USP54: variants seen among roughly 807,000 people sequenced by gnomAD.
USP54 encodes ubiquitin specific peptidase 54.
USP54 carries 87 observed loss-of-function variants against 170.5 expected under a neutral mutation model. The observed-to-expected ratio is 0.51, with a 90% CI of 0.43 to 0.61. The LOEUF is 0.61. Among genes scored for constraint, USP54 ranks in the 20% least tolerant of loss-of-function variants. The pLI, the probability that USP54 is intolerant of heterozygous loss-of-function variation, is 0.00. For missense variants in USP54, 1,786 were observed against 2,047.8 expected, an observed-to-expected ratio of 0.87 and a Z score of 2.47; for synonymous variants, 655 against 742.8, an observed-to-expected ratio of 0.88 and a Z score of 1.92.
At chr10:73,618,168 G>A (rs911872099) in intron 1 of USP54, among the ~76,000 whole-genome samples, 3 of 148,824 alleles carry the variant, frequency 2.0e-5, no homozygotes, top group East Asian at 2.0e-4. Context: ...CCGAGATTGC[G>A]CCACTGCACT....
chr10:73,612,296 AAATG>A (rs2080214483), intron 1 of USP54, among the ~76,000 whole-genome samples: 2 of 152,298 alleles, frequency 1.3e-5, no homozygotes, highest in South Asian at 4.1e-4. Flanking sequence ...AAAAAACATT[AAATG>A]AATACCAGAA....
In USP54 at chr10:73,520,106, G is replaced by A. The variant is rs997019170; in HGVS notation, c.2483-114C>T. 4.2e-6 allele frequency: 6 copies of A among 1,428,842 alleles called. No individual in the cohort carries two copies. The Admixed American group carries it at 8.4e-5, about 20-fold the overall frequency. The allele number at this position is 1,428,842 out of a possible 1,614,324, so 88.5% of individuals were successfully genotyped here. A position where few individuals can be genotyped will look rare whatever the true frequency, so the allele number is the denominator to read the frequency against. On this transcript the variant is annotated intron_variant, in intron 18 of 23. Coordinates refer to ENST00000687698, the MANE Select transcript of USP54 (RefSeq NM_001391956.1). ...TATGCAGTAAAACTCAAAATATGTA[G>A]CAGGAACGCAAGGCATGGACCATGC...
chr10:73,501,293 T>G (rs1410228551), intron 22 of USP54, among the ~76,000 whole-genome samples: 1 of 152,240 alleles, frequency 6.6e-6, no homozygotes, highest in African/African-American at 2.4e-5. Context: ...TCTTCTCTCC[T>G]GTCACTGCTA....
intron 1 of USP54, among the ~76,000 whole-genome samples, chr10:73,583,697 T>C (rs1035599635): frequency 1.3e-5 from 2 of 152,118 alleles, no homozygotes; most frequent in Non-Finnish European, 2.9e-5. Flanking sequence ...TGTAGTGAGC[T>C]ATGACTGTGC....
At chr10:73,610,191 A>T (rs1037851247) in intron 1 of USP54, among the ~76,000 whole-genome samples, 17 of 152,126 alleles carry the variant, frequency 1.1e-4, no homozygotes, top group African/African-American at 3.4e-4. Flanking sequence ...TTAAAAAAAT[A>T]AAAATAAAAA....
At chr10:73,549,700 C>T (rs2068770073) in intron 4 of USP54, among the ~76,000 whole-genome samples, 1 of 152,172 alleles carries the variant, frequency 6.6e-6, no homozygotes, top group Non-Finnish European at 1.5e-5. Context: ...TAGTCCAAGT[C>T]ATCTCACCTC....
chr10:73,537,420 A>T (rs1564743848), intron 10 of USP54, among the ~76,000 whole-genome samples: 1 of 151,828 alleles, frequency 6.6e-6, no homozygotes, highest in Non-Finnish European at 1.5e-5. Flanking sequence ...TTATAGTCAC[A>T]CCTTATCTCC....
rs777338255 is a variant in USP54 at position 73,516,610 on chromosome 10, A to C, written c.3816T>G (p.Ser1272=). The change falls in exon 20 of 24, where the codon TCT becomes TCG. Residue 1272 remains serine, a synonymous_variant. Transcript: ENST00000687698. ...SWVNITRFCD[S]QLKHGAPRPG... ...GCCTAGGTGCCCCATGCTTAAGCTG[A>C]GAATCACAGAACCTTGTGATATTCA... 6.2e-7 allele frequency: 1 copy of C among 1,614,226 alleles called. No individual in the cohort carries two copies. Among genetic ancestry groups the C allele is most frequent in the South Asian group, 1.1e-5 (1 of 91,082 alleles).
chr10:73,501,022 A>C (rs989091983), intron 22 of USP54, among the ~76,000 whole-genome samples, 184 bp from the exon 23 acceptor site: 1 of 152,184 alleles, frequency 6.6e-6, no homozygotes, highest in Non-Finnish European at 1.5e-5. Flanking sequence ...GCCCTCTAAG[A>C]AACTGCAAAC....
intron 1 of USP54, among the ~76,000 whole-genome samples, chr10:73,613,665 G>A: frequency 6.6e-6 from 1 of 151,476 alleles, no homozygotes; most frequent in Non-Finnish European, 1.5e-5. Flanking sequence ...ACCACCTGAG[G>A]CCAGGAGTTT....
intron 17 of USP54, among the ~76,000 whole-genome samples, chr10:73,522,175 G>T (rs989323052): frequency 2.0e-5 from 3 of 152,180 alleles, no homozygotes; most frequent in African/African-American, 7.2e-5. Context: ...ACAGCAGGTT[G>T]GTTCTGAAGA....
Position 73,517,363 on chromosome 10 carries a change from A to G in USP54, c.3063T>C (p.Ala1021=). 6.2e-7 allele frequency: 1 copy of G among 1,613,132 alleles called. No homozygotes were observed. The highest frequency in any genetic ancestry group is 1.7e-5 in the Admixed American group (1 of 59,914). Residue 1021 remains alanine, a synonymous_variant, in exon 20 of 24, where the codon GCT becomes GCC. Coordinates refer to ENST00000687698, the MANE Select transcript of USP54 (RefSeq NM_001391956.1). ...TCTTTTCTTGGAACAGCTGTTCTTG[A>G]GCAATGCCTCTTCCTTCTTGTGGAG... is the stretch of plus-strand genomic sequence containing the variant. The part of the protein sequence containing the change: ...KLPPQEGRGI[A]QEQLFQEKKD...
chr10:73,539,837 A>G (rs951543551), intron 9 of USP54, among the ~76,000 whole-genome samples: 1 of 152,178 alleles, frequency 6.6e-6, no homozygotes, highest in Non-Finnish European at 1.5e-5. Context: ...GCAAGACCCT[A>G]TCTTTAGGCC....
chr10:73,554,613 A>C (rs979414664), intron 4 of USP54, among the ~76,000 whole-genome samples: 2 of 152,224 alleles, frequency 1.3e-5, no homozygotes, highest in Non-Finnish European at 2.9e-5. Flanking sequence ...ATTGTAAAAA[A>C]TTTCAAACAT....
rs59126730 is a variant in USP54, at chr10:73,571,137, CAAAAA to C, written c.240+279_240+283del. On this transcript the variant is annotated intron_variant, in intron 4 of 23. Transcript: ENST00000687698. Reference sequence around the variant, plus strand: ...TGGGTGACAGAGTGAGACTTCATCCCAAAAAAAAAAAAAAAAAAAAAAAAAAGGAG... The same window carrying C: ...TGGGTGACAGAGTGAGACTTCATCCCAAAAAAAAAAAAAAAAAAAAAGGAG... Among the ~76,000 whole-genome samples, 15 of 44,326 alleles carry C rather than the reference CAAAAA, an allele frequency of 3.4e-4. No individual in the cohort carries two copies. In the East Asian group the frequency reaches 4.8e-3, roughly 14 times the overall value. The allele number at this position is 44,326 out of a possible 152,430, so 29.1% of individuals were successfully genotyped here. A position where few individuals can be genotyped will look rare whatever the true frequency, so the allele number is the denominator to read the frequency against.
chr10:73,508,094 G>C (rs957641959), intron 20 of USP54, among the ~76,000 whole-genome samples: 5 of 152,138 alleles, frequency 3.3e-5, no homozygotes, highest in African/African-American at 1.2e-4. Flanking sequence ...GGAACCTCCT[G>C]AAGGGAGTAG....
chr10:73,541,465 A>C lies in USP54; in HGVS notation c.735T>G (p.Ile245Met). Residue 245 changes from isoleucine (I) to methionine (M), a missense_variant, in exon 9 of 24, where the codon ATT becomes ATG. Ile to Met is a conservative substitution (Grantham distance 10). Around this residue, in one of 3 missense-constraint regions of USP54, gnomAD observed 361 missense variants for 455.0 expected, o/e 0.79. Coordinates refer to ENST00000687698, the MANE Select transcript of USP54 (RefSeq NM_001391956.1). The part of the protein sequence containing the change: ...IRRVLMNAPQ[I>M]ITIGLVWDSD... ...AGTCCCATACCAGCCCAATCGTGATAATCTGTGGAGCATTCATCAACACAC... is the reference window on the plus strand; with the variant it reads ...AGTCCCATACCAGCCCAATCGTGATCATCTGTGGAGCATTCATCAACACAC... The C allele has an allele frequency of 6.2e-7, 1 of 1,614,182 alleles. No individual in the cohort carries two copies. Among genetic ancestry groups the C allele is most frequent in the Non-Finnish European group, 8.5e-7 (1 of 1,180,028 alleles).
At chr10:73,509,183 T>G (rs1272194744) in intron 20 of USP54, among the ~76,000 whole-genome samples, 1 of 150,604 alleles carries the variant, frequency 6.6e-6, no homozygotes, top group Non-Finnish European at 1.5e-5. Flanking sequence ...AATCCTGACT[T>G]GAAATAAAAC....
intron 18 of USP54, among the ~76,000 whole-genome samples, chr10:73,520,272 T>C (rs564033852): frequency 3.5e-4 from 54 of 152,292 alleles, no homozygotes; most frequent in African/African-American, 1.3e-3. Context: ...ATCTTAGAGA[T>C]TGCCACTCTT....
Sources: allele counts gnomAD v4.1 joint callset (sites outside exome capture counted in the v4.1 genomes callset), GRCh38; gene constraint gnomAD v4.1.1; regional missense constraint gnomAD v4.1.1; transcripts MANE v1.5; gene names NCBI Gene and HGNC (gene_info 2026-07-23, HGNC 2026-07-21).